The following SEC24C variants were observed in gnomAD, a reference collection of about 807,000 sequenced individuals.
The protein encoded by SEC24C is SEC24 homolog C, COPII component.
A neutral mutation model predicts 117.0 loss-of-function variants in SEC24C; 22 were observed. That is an observed-to-expected ratio of 0.19 (90% CI 0.13 to 0.27). SEC24C has a LOEUF of 0.27. Among genes scored for constraint, SEC24C ranks in the 10% least tolerant of loss-of-function variants. SEC24C has a pLI of 1.00. For missense variants in SEC24C, 1,155 were observed against 1,375.1 expected (o/e 0.84, Z 2.53); for synonymous variants, 506 against 529.4 (o/e 0.96, Z 0.61).
Position 73,765,531 on chromosome 10 carries a change from G to A in SEC24C, c.1308G>A (p.Met436Ile). 6.2e-7 allele frequency: 1 copy of A among 1,614,088 alleles called. No individual in the cohort carries two copies. Among genetic ancestry groups the A allele is most frequent in the Non-Finnish European group, 8.5e-7 (1 of 1,179,926 alleles). ...NRCKAYMCPF[M>I]QFIEGGRRFQ... is the part of the protein sequence containing the mutation. Reference sequence around the variant, plus strand: ...GCAAAGCATACATGTGTCCCTTCATGCAGTTCATTGAAGGAGGGAGGCGTT... The same window carrying A: ...GCAAAGCATACATGTGTCCCTTCATACAGTTCATTGAAGGAGGGAGGCGTT... Residue 436 changes from methionine to isoleucine, a missense_variant, in exon 9 of 23, where the codon ATG (methionine) becomes ATA (isoleucine). Physicochemically the swap from Met to Ile is conservative, Grantham distance 10 (BLOSUM62 1). Transcript: ENST00000345254.
At chr10:73,767,010 T>G in intron 13 of SEC24C, 44 bp from the exon 14 acceptor site, 1 of 1,503,792 alleles carries the variant, frequency 6.6e-7, no homozygotes, top group South Asian at 1.1e-5. Context: ...AGGGAAGAGA[T>G]GGATGAATAA....
At chr10:73,764,496 C>G (rs1415634498) in intron 8 of SEC24C, among the ~76,000 whole-genome samples, 1 of 150,014 alleles carries the variant, frequency 6.7e-6, no homozygotes, top group Non-Finnish European at 1.5e-5. Context: ...TGCACTCCAG[C>G]CTGGGCAACA....
chr10:73,767,784 G>C, intron 14 of SEC24C, 53 bp from the exon 15 acceptor site: 1 of 1,421,230 alleles, frequency 7.0e-7, no homozygotes. Context: ...TTTCAAATAG[G>C]GCGGAGCTGA....
In SEC24C at chr10:73,769,464, A is replaced by G. The variant is rs1253131380; in HGVS notation, c.2542A>G (p.Ile848Val). Residue 848 changes from isoleucine (I) to valine (V), a missense_variant, in exon 18 of 23, where the codon ATC (isoleucine) becomes GTC (valine). Physicochemically the swap from Ile to Val is conservative, Grantham distance 29. This residue lies in a region of SEC24C where 759 missense variants were observed against 992.3 expected (regional missense o/e 0.76). Coordinates refer to ENST00000345254, the MANE Select transcript of SEC24C (RefSeq NM_198597.3). This position sits in a 1 kb window ranked among gnomAD's most constrained non-coding sequence, Gnocchi z 4.5. Reference protein sequence around the residue: ...LYRNCETDTLINYMAKFAYRG... With the variant: ...LYRNCETDTLVNYMAKFAYRG... ...TCGAAACTGTGAGACTGACACGCTC[A>G]TCAACTACATGGCCAAGTTTGGTGA... 1 of 1,614,204 alleles carries G rather than the reference A, an allele frequency of 6.2e-7. No individual in the cohort carries two copies. Among genetic ancestry groups the G allele is most frequent in the South Asian group, 1.1e-5 (1 of 91,088 alleles).
chr10:73,760,928 C>G, intron 6 of SEC24C, 79 bp downstream of exon 6: 2 of 1,374,020 alleles, frequency 1.5e-6, no homozygotes, highest in Non-Finnish European at 2.0e-6. Context: ...AAATGTTTGC[C>G]TAGCATTTTC....
rs761343794 is a variant in SEC24C, at chr10:73,770,744, G to C, written c.3090G>C (p.Lys1030Asn). The change falls in exon 22 of 23, where the codon AAG becomes AAC. Residue 1030 changes from lysine (K) to asparagine (N), a missense_variant. Coordinates refer to ENST00000345254, the MANE Select transcript of SEC24C (RefSeq NM_198597.3). ...CAGTTCTGGATAATCCACTGTCCAA[G>C]AAGGTTCGAGGCCTCATTGATAGCT... ...VLPVLDNPLSKKVRGLIDSLR... is the reference protein window; with the variant it reads ...VLPVLDNPLSNKVRGLIDSLR... 3 of 1,614,146 alleles carry C rather than the reference G, an allele frequency of 1.9e-6. No homozygotes were observed. In the East Asian group the frequency reaches 6.7e-5, roughly 36 times the overall value.
chr10:73,764,051 C>T, intron 8 of SEC24C, 68 bp downstream of exon 8: 3 of 1,495,408 alleles, frequency 2.0e-6, no homozygotes, highest in Non-Finnish European at 2.7e-6. Context: ...AAGCGTCTTC[C>T]TGGATGTGAT....
At chr10:73,770,667 C>T in intron 21 of SEC24C, 42 bp from the exon 22 acceptor site, 3 of 1,603,598 alleles carry the variant, frequency 1.9e-6, no homozygotes, top group East Asian at 2.2e-5. Flanking sequence ...TGACTGAACT[C>T]AGAGTGCCTT....
chr10:73,761,712 G>A (rs1461266122), intron 6 of SEC24C, among the ~76,000 whole-genome samples: 1 of 152,148 alleles, frequency 6.6e-6, no homozygotes, highest in African/African-American at 2.4e-5. Context: ...GAGAAGGAGA[G>A]TCTGGTTGGA....
chr10:73,763,364 G>A (rs2132558353), intron 6 of SEC24C, 126 bp from the exon 7 acceptor site: 3 of 592,672 alleles, frequency 5.1e-6, no homozygotes, highest in East Asian at 2.8e-5. Flanking sequence ...CAGGCCTGGT[G>A]TATGAGGTGT....
rs551845130 is a variant in SEC24C, at chr10:73,769,638, C to T, written c.2587C>T (p.Pro863Ser). 5.6e-6 allele frequency: 9 copies of T among 1,614,002 alleles called. No individual in the cohort carries two copies. The East Asian group carries it at 1.6e-4, about 28-fold the overall frequency. The change falls in exon 19 of 23, where the codon CCT becomes TCT. Residue 863 changes from proline (P) to serine (S), a missense_variant. By Grantham distance (74) the Pro-to-Ser change is moderately conservative (BLOSUM62 -1). Transcript: ENST00000345254. The surrounding 1 kb of genome is among the most constrained non-coding windows in gnomAD (Gnocchi z 4.5). ...AGCATATCGGGGAGTCCTGAATAGCCCTGTGAAGGCTGTTCGTGACACGCT... is the reference window on the plus strand; with the variant it reads ...AGCATATCGGGGAGTCCTGAATAGCTCTGTGAAGGCTGTTCGTGACACGCT... ...KFAYRGVLNS[P>S]VKAVRDTLIT...
intron 1 of SEC24C, among the ~76,000 whole-genome samples, chr10:73,745,371 A>T (rs1289596845): frequency 6.6e-6 from 1 of 151,564 alleles, no homozygotes; most frequent in Non-Finnish European, 1.5e-5. Context: ...GTGCATTGGA[A>T]TTTAGAATAT....
At chr10:73,747,884 C>T (rs1255070630) in intron 2 of SEC24C, among the ~76,000 whole-genome samples, 1 of 151,944 alleles carries the variant, frequency 6.6e-6, no homozygotes, top group Non-Finnish European at 1.5e-5. Flanking sequence ...GTCTTGAACT[C>T]CCAACCTCAA....
chr10:73,766,200 T>A lies in SEC24C; in HGVS notation c.1597T>A (p.Phe533Ile). The A allele has an allele frequency of 1.2e-6, 2 of 1,612,018 alleles. No individual in the cohort carries two copies. The highest frequency in any genetic ancestry group is 2.2e-5 in the South Asian group (2 of 90,738). The change falls in exon 11 of 23, where the codon TTT becomes ATT. Residue 533 changes from phenylalanine (F) to isoleucine (I), a missense_variant. Physicochemically the swap from Phe to Ile is conservative, Grantham distance 21. Coordinates refer to ENST00000345254, the MANE Select transcript of SEC24C (RefSeq NM_198597.3). ...TGAGGAGCTCAAGTCACTGTTAGAC[T>A]TTCTACCTAGGTGAGAGTTACAGAA... is the stretch of plus-strand genomic sequence containing the variant. ...LCEELKSLLD[F>I]LPREGGAEES...
chr10:73,754,963 GTC>G (rs1243754847), intron 3 of SEC24C, among the ~76,000 whole-genome samples: 4 of 152,052 alleles, frequency 2.6e-5, no homozygotes, highest in African/African-American at 9.7e-5. Context: ...GTGAAACCCT[GTC>G]TCTACCAAAA....
intron 15 of SEC24C, 53 bp from the exon 16 acceptor site, chr10:73,768,757 C>T: frequency 1.3e-6 from 2 of 1,557,732 alleles, no homozygotes; most frequent in Non-Finnish European, 1.8e-6. Context: ...AGATTGTCTG[C>T]ACGATGAGCT....
intron 3 of SEC24C, among the ~76,000 whole-genome samples, chr10:73,757,909 A>T (rs2082734666): frequency 8.9e-6 from 1 of 112,356 alleles, no homozygotes; most frequent in Non-Finnish European, 1.7e-5. Flanking sequence ...TGACAGAGCG[A>T]GACCCTGTCT....
Position 73,771,292 on chromosome 10 carries a change from C to T in SEC24C, c.*197C>T. On this transcript the variant is annotated 3_prime_UTR_variant, in exon 23 of 23. Coordinates refer to ENST00000345254, the MANE Select transcript of SEC24C (RefSeq NM_198597.3). ...TCATGTCCTGCTGATGGAAGGTGCC[C>T]CTGTTCCCTCATTCTACCCTCTTTT... 1.6e-6 allele frequency: 1 copy of T among 607,180 alleles called. No homozygotes were observed. 37.6% of individuals were successfully genotyped at this position (607,180 alleles called of 1,614,324 possible).
In SEC24C at chr10:73,769,405, C is replaced by T. The variant is rs142601631; in HGVS notation, c.2483C>T (p.Ala828Val). 1,167 of 1,614,014 alleles carry T rather than the reference C, an allele frequency of 7.2e-4. No homozygotes were observed. Among genetic ancestry groups the T allele is most frequent in the Non-Finnish European group, 9.2e-4 (1,081 of 1,180,024 alleles). ...CGTCGGCTCCGCATCCATAATCTGG[C>T]CCTGAACTGCTGCACCCAGCTGGCT... ...GQRRLRIHNL[A>V]LNCCTQLADL... The change falls in exon 18 of 23, where the codon GCC (alanine) becomes GTC (valine). Residue 828 changes from alanine (A) to valine (V), a missense_variant. Coordinates refer to ENST00000345254, the MANE Select transcript of SEC24C (RefSeq NM_198597.3). The surrounding 1 kb of genome is among the most constrained non-coding windows in gnomAD (Gnocchi z 4.5).
Sources: gnomAD v4.1 joint callset for allele counts (sites outside exome capture counted in the v4.1 genomes callset) on GRCh38, gnomAD v4.1.1 for gene constraint, gnomAD v4.1.1 regional missense constraint, Gnocchi (gnomAD v3.1) non-coding constraint, MANE v1.5 for transcripts, NCBI Gene and HGNC (gene_info 2026-07-23, HGNC 2026-07-21) for gene names.